The following TCERG1L variants were observed in gnomAD, a reference collection of about 807,000 sequenced individuals.
The protein encoded by TCERG1L is transcription elongation regulator 1-like protein.
A neutral mutation model predicts 56.3 loss-of-function variants in TCERG1L; 37 were observed. That is an observed-to-expected ratio of 0.66 (90% CI 0.51 to 0.87). The LOEUF (loss-of-function observed/expected upper bound fraction) is 0.87, where lower values mean the gene tolerates loss of function less well. Among genes scored for constraint, TCERG1L ranks in the 40% least tolerant of loss-of-function variants. The probability of loss-of-function intolerance (pLI) is 0.00; values close to 1 mark genes in which losing one functional copy is unlikely to be tolerated. For missense variants in TCERG1L, 799 were observed against 774.2 expected (o/e 1.03, Z -0.38); for synonymous variants, 324 against 326.3 (o/e 0.99, Z 0.08).
At chr10:131,174,442 G>A (rs991664457) in intron 4 of TCERG1L, among the ~76,000 whole-genome samples, 2 of 152,122 alleles carry the variant, frequency 1.3e-5, no homozygotes, top group African/African-American at 4.8e-5. Context: ...CGGTTGGAGA[G>A]GGCTCAGGTC....
intron 8 of TCERG1L, among the ~76,000 whole-genome samples, chr10:131,133,611 G>A (rs1251084458): frequency 6.6e-6 from 1 of 152,142 alleles, no homozygotes; most frequent in African/African-American, 2.4e-5. Context: ...ATGGGGCCCA[G>A]CAGCCACAAC....
At chr10:131,100,982 C>T (rs539727441) in intron 10 of TCERG1L, among the ~76,000 whole-genome samples, 1 of 152,342 alleles carries the variant, frequency 6.6e-6, no homozygotes, top group South Asian at 2.1e-4. Flanking sequence ...TCCCACTGGA[C>T]CTTCTGGGAC....
At chr10:131,289,348 A>G (rs975009070) in intron 3 of TCERG1L, among the ~76,000 whole-genome samples, 1 of 143,094 alleles carries the variant, frequency 7.0e-6, no homozygotes, top group Admixed American at 6.8e-5. Flanking sequence ...TAAAATACAG[A>G]CTCATTAAAT....
At chr10:131,272,206 G>C (rs771835789) in intron 3 of TCERG1L, among the ~76,000 whole-genome samples, 9 of 152,108 alleles carry the variant, frequency 5.9e-5, no homozygotes, top group Non-Finnish European at 1.0e-4. Flanking sequence ...CACACAGCTT[G>C]CAAGAATCAG....
chr10:131,148,616 A>G (rs1373989352), intron 6 of TCERG1L, among the ~76,000 whole-genome samples: 6 of 152,184 alleles, frequency 3.9e-5, no homozygotes, highest in Admixed American at 1.3e-4. Context: ...AGACACACAC[A>G]GAGACACACA....
intron 3 of TCERG1L, among the ~76,000 whole-genome samples, chr10:131,299,088 C>T (rs1239847994): frequency 2.0e-5 from 3 of 152,054 alleles, no homozygotes; most frequent in Admixed American, 6.5e-5. Flanking sequence ...ATTTTTATCC[C>T]TAGTAATACT....
rs1846849893 is a variant in TCERG1L, at chr10:131,309,191, C to T, written c.451G>A (p.Gly151Arg). Residue 151 changes from glycine (G) to arginine (R), a missense_variant, in exon 2 of 12, where the codon GGG (glycine) becomes AGG (arginine). Coordinates refer to ENST00000368642, the MANE Select transcript of TCERG1L (RefSeq NM_174937.4). ...LCPSALATPI[G>R]KSWIDKRIPN... ...ATCCTTTTGTCTATCCAACTTTTCC[C>T]AATAGGGGTTGCAAGAGCAGAAGGG... The T allele has an allele frequency of 1.2e-6, 2 of 1,610,550 alleles. No homozygotes were observed. The highest frequency in any genetic ancestry group is 1.3e-5 in the African/African-American group (1 of 74,676).
At chr10:131,117,111 C>T (rs1159685612) in intron 8 of TCERG1L, among the ~76,000 whole-genome samples, 177 bp from the exon 9 acceptor site, 1 of 152,180 alleles carries the variant, frequency 6.6e-6, no homozygotes, top group Non-Finnish European at 1.5e-5. Flanking sequence ...TCTTGGCAGG[C>T]ACGGGGCTTG....
At chr10:131,201,930 C>T (rs1221628401) in intron 4 of TCERG1L, among the ~76,000 whole-genome samples, 2 of 152,160 alleles carry the variant, frequency 1.3e-5, no homozygotes, top group Admixed American at 6.5e-5. Context: ...ATGAAAGATG[C>T]TAGAAAGCTC....
intron 4 of TCERG1L, among the ~76,000 whole-genome samples, chr10:131,233,985 C>A (rs1472418811): frequency 6.6e-6 from 1 of 152,202 alleles, no homozygotes; most frequent in African/African-American, 2.4e-5. Context: ...TGGCTCTTGA[C>A]TCTCTGTGTG....
chr10:131,241,860 T>C (rs979900171), intron 4 of TCERG1L, among the ~76,000 whole-genome samples: 4 of 151,636 alleles, frequency 2.6e-5, no homozygotes, highest in Non-Finnish European at 4.4e-5. Flanking sequence ...ACATCCGAGA[T>C]AAAACGGTCA....
chr10:131,175,230 G>A (rs1442164998), intron 4 of TCERG1L, among the ~76,000 whole-genome samples: 2 of 152,236 alleles, frequency 1.3e-5, no homozygotes, highest in Non-Finnish European at 2.9e-5. Context: ...CCAGCAGAGT[G>A]AGCTTTGGGA....
chr10:131,234,255 A>G (rs910056506), intron 4 of TCERG1L, among the ~76,000 whole-genome samples: 7 of 152,206 alleles, frequency 4.6e-5, no homozygotes, highest in African/African-American at 1.4e-4. Context: ...AACCCATCGC[A>G]TCTGTGAGAG....
chr10:131,198,645 G>T (rs1411664968), intron 4 of TCERG1L, among the ~76,000 whole-genome samples: 1 of 152,220 alleles, frequency 6.6e-6, no homozygotes, highest in Non-Finnish European at 1.5e-5. Flanking sequence ...GCTCTCCCAG[G>T]TGGCAGTCTT....
chr10:131,099,138 A>G (rs28720012), intron 10 of TCERG1L, among the ~76,000 whole-genome samples: 27,210 of 152,154 alleles, frequency 0.18, 2,748 homozygotes, highest in Middle Eastern at 0.23. Context: ...CCAGAAATGC[A>G]TCTCAAATGC....
chr10:131,247,727 G>A (rs1320254666), intron 4 of TCERG1L, among the ~76,000 whole-genome samples: 2 of 152,032 alleles, frequency 1.3e-5, no homozygotes, highest in Non-Finnish European at 2.9e-5. Flanking sequence ...CACACATCTG[G>A]TCCATTTACC....
intron 4 of TCERG1L, among the ~76,000 whole-genome samples, chr10:131,221,829 T>C (rs1845735674): frequency 6.6e-6 from 1 of 152,218 alleles, no homozygotes; most frequent in African/African-American, 2.4e-5. Context: ...TGCAGACCAC[T>C]GTCCCGCCGC....
intron 4 of TCERG1L, among the ~76,000 whole-genome samples, chr10:131,219,770 C>T (rs1845711440): frequency 6.6e-6 from 1 of 152,180 alleles, no homozygotes; most frequent in African/African-American, 2.4e-5. Context: ...TTATCCCACG[C>T]TTGGCAATTT....
At chr10:131,154,881 C>T (rs148345000) in intron 6 of TCERG1L, among the ~76,000 whole-genome samples, 254 of 152,340 alleles carry the variant, frequency 1.7e-3, no homozygotes, top group African/African-American at 5.6e-3. Context: ...GCACCTGCCG[C>T]GTGACTGTGT....
Sources: allele counts gnomAD v4.1 joint callset (sites outside exome capture counted in the v4.1 genomes callset), GRCh38; gene constraint gnomAD v4.1.1; transcripts MANE v1.5; gene names NCBI Gene and HGNC (gene_info 2026-07-23, HGNC 2026-07-21).